The following HDAC9 variants were observed in gnomAD, a reference collection of about 807,000 sequenced individuals.
HDAC9 encodes the protein histone deacetylase 9, also known as MEF-2 interacting transcription repressor (MITR) protein.
In HDAC9, 41 loss-of-function variants were observed where a neutral mutation model predicts 139.4. The observed-to-expected ratio is 0.29, with a 90% CI of 0.23 to 0.38. The LOEUF (loss-of-function observed/expected upper bound fraction) is 0.38. HDAC9 is among the 10% of genes least tolerant of loss of function. HDAC9 has a pLI of 1.00. For missense variants in HDAC9, 1,147 were observed against 1,297.0 expected (o/e 0.88, Z 1.78); for synonymous variants, 517 against 476.2 (o/e 1.09, Z -1.12).
chr7:18,703,410 A>G (rs1783655203), intron 12 of HDAC9, among the ~76,000 whole-genome samples: 1 of 152,196 alleles, frequency 6.6e-6, no homozygotes. Flanking sequence ...AAATATATCA[A>G]AAGTAGCAAT....
At chr7:18,680,650 G>A (rs1781830929) in intron 12 of HDAC9, among the ~76,000 whole-genome samples, 1 of 151,984 alleles carries the variant, frequency 6.6e-6, no homozygotes, top group Admixed American at 6.6e-5. Flanking sequence ...ACTTTTCCTT[G>A]ACTAGTATAA....
chr7:18,699,992 C>T (rs1476713377), intron 12 of HDAC9, among the ~76,000 whole-genome samples: 3 of 151,580 alleles, frequency 2.0e-5, no homozygotes, highest in African/African-American at 7.3e-5. Context: ...CCTAAATGTT[C>T]CTCAAAGCCA....
At chr7:18,182,761 A>G (rs1222650861) in intron 2 of HDAC9, among the ~76,000 whole-genome samples, 1 of 152,200 alleles carries the variant, frequency 6.6e-6, no homozygotes, top group Non-Finnish European at 1.5e-5. Flanking sequence ...ATTGTTAACC[A>G]CAGTTCTGCT....
At chr7:18,149,796 T>C (rs573450062) in intron 1 of HDAC9, among the ~76,000 whole-genome samples, 3 of 152,072 alleles carry the variant, frequency 2.0e-5, no homozygotes, top group Admixed American at 6.5e-5. Flanking sequence ...CCTTGTGATC[T>C]GCCCGCCTTG....
At chr7:18,233,141 C>A (rs141567778) in intron 2 of HDAC9, among the ~76,000 whole-genome samples, 2 of 152,110 alleles carry the variant, frequency 1.3e-5, no homozygotes, top group Non-Finnish European at 2.9e-5. Flanking sequence ...TTTTTAATGG[C>A]AGCTCATAAT....
intron 2 of HDAC9, among the ~76,000 whole-genome samples, chr7:18,498,745 C>A (rs1797612902): frequency 6.6e-6 from 1 of 151,994 alleles, no homozygotes; most frequent in South Asian, 2.1e-4. Context: ...TTTTACTCAT[C>A]TTCAAACTGA....
At chr7:18,781,819 T>C (rs1791265481) in intron 16 of HDAC9, among the ~76,000 whole-genome samples, 2 of 152,088 alleles carry the variant, frequency 1.3e-5, no homozygotes, top group African/African-American at 4.8e-5. Context: ...AATTTGGCAT[T>C]AGAAGATGAA....
chr7:18,478,933 A>T (rs764023115), intron 1 of HDAC9, among the ~76,000 whole-genome samples: 2 of 152,042 alleles, frequency 1.3e-5, no homozygotes, highest in Non-Finnish European at 2.9e-5. Context: ...TTTCTTTTCC[A>T]TCACTTGCCT....
rs181349007 is a variant in HDAC9, at chr7:18,574,722, C to G, written c.23-10559C>G. On this transcript the variant is annotated intron_variant, in intron 2 of 25. Transcript: ENST00000686413. Reference sequence around the variant, plus strand: ...GGAGGCCAAGACGACAGGGGGCTGGCGTGTCAGTGCTGCCCTGAGCATGCA... The same window carrying G: ...GGAGGCCAAGACGACAGGGGGCTGGGGTGTCAGTGCTGCCCTGAGCATGCA... Among the ~76,000 whole-genome samples, 1,117 of 152,332 alleles carry G rather than the reference C, an allele frequency of 7.3e-3. 10 individuals carry two copies. Among genetic ancestry groups the G allele is most frequent in the African/African-American group, 0.025 (1,054 of 41,580 alleles).
At chr7:18,148,345 C>G (rs998429342) in intron 1 of HDAC9, among the ~76,000 whole-genome samples, 3 of 152,166 alleles carry the variant, frequency 2.0e-5, no homozygotes, top group African/African-American at 7.2e-5. Flanking sequence ...ATCATGGTCT[C>G]TCTCCTGCAT....
intron 2 of HDAC9, among the ~76,000 whole-genome samples, chr7:18,278,592 A>G (rs1317912249): frequency 1.3e-5 from 2 of 152,200 alleles, no homozygotes; most frequent in Non-Finnish European, 2.9e-5. Context: ...TGGCATGTTT[A>G]CATATGTCTA....
intron 2 of HDAC9, among the ~76,000 whole-genome samples, chr7:18,514,980 A>T (rs1307269514): frequency 6.6e-6 from 1 of 152,134 alleles, no homozygotes; most frequent in African/African-American, 2.4e-5. Context: ...AATAAAAATA[A>T]TTTTCTTCGT....
intron 1 of HDAC9, among the ~76,000 whole-genome samples, chr7:18,390,700 T>C (rs1464619258): frequency 1.3e-5 from 2 of 152,222 alleles, no homozygotes; most frequent in Non-Finnish European, 2.9e-5. Context: ...GTTTTGCCAC[T>C]AACTAGCTGC....
At chr7:18,495,575 A>AT (rs1796745919), upstream of HDAC9, 1 of 182,228 alleles carries the variant, frequency 5.5e-6, no homozygotes. Context: ...TTGCTGGGGT[A>AT]TTTTTAAATG....
At chr7:18,779,788 G>C (rs1345212658) in intron 16 of HDAC9, among the ~76,000 whole-genome samples, 1 of 151,990 alleles carries the variant, frequency 6.6e-6, no homozygotes, top group African/African-American at 2.4e-5. Context: ...TCTGCAGAGG[G>C]TAAACAGACT....
chr7:18,809,342 A>G (rs547374832), intron 17 of HDAC9, among the ~76,000 whole-genome samples: 7 of 152,154 alleles, frequency 4.6e-5, no homozygotes, highest in East Asian at 1.9e-4. Context: ...CAAAGGGATT[A>G]TATTAAACTA....
intron 1 of HDAC9, among the ~76,000 whole-genome samples, chr7:18,477,728 TA>T (rs1795225375): frequency 6.6e-6 from 1 of 152,198 alleles, no homozygotes; most frequent in African/African-American, 2.4e-5. Flanking sequence ...AATTGGCCAT[TA>T]TTCACAAATT....
At chr7:18,804,582 A>G (rs1793556616) in intron 17 of HDAC9, among the ~76,000 whole-genome samples, 1 of 152,158 alleles carries the variant, frequency 6.6e-6, no homozygotes, top group African/African-American at 2.4e-5. Flanking sequence ...TCTACCCTAA[A>G]ATGGTTCAAC....
intron 21 of HDAC9, among the ~76,000 whole-genome samples, chr7:18,849,064 T>C (rs941822353): frequency 6.6e-6 from 1 of 152,220 alleles, no homozygotes; most frequent in Non-Finnish European, 1.5e-5. Flanking sequence ...CTGATAGATA[T>C]AAGTAGCAAA....
Sources: gnomAD v4.1 joint callset for allele counts (sites outside exome capture counted in the v4.1 genomes callset) on GRCh38, gnomAD v4.1.1 for gene constraint, MANE v1.5 for transcripts, NCBI Gene and HGNC (gene_info 2026-07-23, HGNC 2026-07-21) for gene names.